THSD4: variants seen among roughly 807,000 people sequenced by gnomAD.
THSD4 encodes the protein thrombospondin type-1 domain-containing protein 4.
Under a neutral mutation model 119.0 loss-of-function variants are expected in THSD4, and 69 were observed. That is an observed-to-expected ratio of 0.58 (90% CI 0.48 to 0.71). The LOEUF (loss-of-function observed/expected upper bound fraction) is 0.71. Ranked by LOEUF, THSD4 falls within the 30% of genes least tolerant of loss-of-function variation. The pLI is 0.00. For synonymous variants in THSD4, 524 were observed against 540.4 expected, an observed-to-expected ratio of 0.97 and a Z score of 0.42; for missense variants, 1,393 against 1,391.1, an observed-to-expected ratio of 1.00 and a Z score of -0.02.
intron 11 of THSD4, among the ~76,000 whole-genome samples, chr15:71,739,620 GTAGTTA>G (rs966221256): frequency 7.2e-5 from 11 of 152,242 alleles, no homozygotes; most frequent in African/African-American, 2.6e-4. Flanking sequence ...TATGAACTGT[GTAGTTA>G]TAATTTCCTT....
chr15:71,189,198 C>T (rs555184394), intron 3 of THSD4, among the ~76,000 whole-genome samples: 1 of 152,216 alleles, frequency 6.6e-6, no homozygotes, highest in East Asian at 1.9e-4. Flanking sequence ...CTGGAGGTGA[C>T]CAGCTATATG....
In THSD4 at chr15:71,411,810, C is replaced by G; in HGVS notation, c.1139C>G (p.Ser380Cys). The G allele has an allele frequency of 6.2e-7, 1 of 1,614,030 alleles. No homozygotes were observed. Among genetic ancestry groups the G allele is most frequent in the Non-Finnish European group, 8.5e-7 (1 of 1,179,960 alleles). The change falls in exon 7 of 18, where the codon TCT becomes TGT. Residue 380 changes from serine to cysteine, a missense_variant. Ser to Cys is a moderately radical substitution (Grantham distance 112). Transcript: ENST00000261862. ...CDQNGTAICVSGQCKSIGCDD... is the reference protein window; with the variant it reads ...CDQNGTAICVCGQCKSIGCDD... Reference sequence around the variant, plus strand: ...CAGAACGGCACGGCCATCTGTGTGTCTGGGCAGTGCAAGGTAAGTGCCCCC... The same window carrying G: ...CAGAACGGCACGGCCATCTGTGTGTGTGGGCAGTGCAAGGTAAGTGCCCCC...
At chr15:71,488,728 T>C (rs191573375) in intron 7 of THSD4, among the ~76,000 whole-genome samples, 2 of 152,358 alleles carry the variant, frequency 1.3e-5, no homozygotes, top group East Asian at 3.9e-4. Flanking sequence ...TTCTTTTCAT[T>C]TACTTAGGTT....
At position 71,287,178 on chromosome 15, in the gene THSD4, T is replaced by C. The variant is rs111633024; in HGVS notation, c.1015+30463T>C. Among the ~76,000 whole-genome samples the C allele has an allele frequency of 9.6e-3, 1,469 of 152,286 alleles. 8 individuals are homozygous for C. Among genetic ancestry groups the C allele is most frequent in the Middle Eastern group, 0.017 (5 of 294 alleles). On this transcript the variant is annotated intron_variant, in intron 6 of 17. Coordinates refer to ENST00000261862, the MANE Select transcript of THSD4 (RefSeq NM_024817.3). ...TGCCTGGAAGATATGCCCGACAAAA[T>C]GAAATACTTAGGATGTAAAAGTACA... is the stretch of plus-strand genomic sequence containing the variant.
chr15:71,374,655 A>G (rs1301657383), intron 6 of THSD4, among the ~76,000 whole-genome samples: 1 of 152,198 alleles, frequency 6.6e-6, no homozygotes, highest in South Asian at 2.1e-4. Context: ...AGGGTGAGCA[A>G]TGGCCCTGAC....
chr15:71,287,319 T>G (rs2044730583), intron 6 of THSD4, among the ~76,000 whole-genome samples: 2 of 152,214 alleles, frequency 1.3e-5, no homozygotes, highest in Non-Finnish European at 2.9e-5. Flanking sequence ...ATACTTGATA[T>G]TTAGAAAATT....
Position 71,196,040 on chromosome 15 carries a change from C to T in THSD4, c.100-18995C>T, listed in dbSNP as rs145115323. On this transcript the variant is annotated intron_variant, in intron 3 of 17. Transcript: ENST00000261862. Reference sequence around the variant, plus strand: ...TCTGGGGGCTGAAAAGTCCAAGTTCCAGGTGCTAGCATCAGGTGAGGGCCT... The same window carrying T: ...TCTGGGGGCTGAAAAGTCCAAGTTCTAGGTGCTAGCATCAGGTGAGGGCCT... 1.1e-4 allele frequency among the ~76,000 whole-genome samples: 16 copies of T among 152,220 alleles called. 1 individual carries two copies. Among genetic ancestry groups the T allele is most frequent in the African/African-American group, 3.4e-4 (14 of 41,522 alleles).
chr15:71,450,407 A>G (rs2047245909), intron 7 of THSD4, among the ~76,000 whole-genome samples: 1 of 151,974 alleles, frequency 6.6e-6, no homozygotes, highest in African/African-American at 2.4e-5. Flanking sequence ...GTTGGGGGAG[A>G]GTAGAACAGG....
chr15:71,592,652 A>G (rs12901685), intron 7 of THSD4, among the ~76,000 whole-genome samples: 3 of 151,918 alleles, frequency 2.0e-5, no homozygotes, highest in Non-Finnish European at 4.4e-5. Context: ...CTGGGAACCC[A>G]ATCACCATTT....
Position 71,135,819 on chromosome 15 carries a change from A to C in THSD4, c.-79-5630A>C, listed in dbSNP as rs563535937. On this transcript the variant is annotated intron_variant, in intron 1 of 17. Coordinates refer to ENST00000261862, the MANE Select transcript of THSD4 (RefSeq NM_024817.3). ...ATTATGGGGCAGCCTCCTCCCAATA[A>C]CTTCCTTGGCTTCCACCTCCATGCT... 2.6e-5 allele frequency among the ~76,000 whole-genome samples: 4 copies of C among 151,530 alleles called. No individual in the cohort carries two copies. The East Asian group carries it at 7.8e-4, about 30-fold the overall frequency.
intron 6 of THSD4, among the ~76,000 whole-genome samples, chr15:71,291,025 A>G (rs2044785235): frequency 6.6e-6 from 1 of 151,756 alleles, no homozygotes; most frequent in Admixed American, 6.6e-5. Context: ...ATTTACCTTA[A>G]TTTTTCTAGA....
At chr15:71,220,257 C>T (rs1378269502) in intron 4 of THSD4, among the ~76,000 whole-genome samples, 2 of 152,168 alleles carry the variant, frequency 1.3e-5, no homozygotes, top group African/African-American at 2.4e-5. Context: ...GAAGACTGCA[C>T]AGAGCAGGTA....
chr15:71,497,571 A>G (rs759749634), intron 7 of THSD4, among the ~76,000 whole-genome samples: 3 of 151,854 alleles, frequency 2.0e-5, no homozygotes, highest in Non-Finnish European at 4.4e-5. Context: ...ATACATATAA[A>G]TAATATATAA....
chr15:71,579,247 G>A (rs2049514255), intron 7 of THSD4, among the ~76,000 whole-genome samples: 1 of 152,164 alleles, frequency 6.6e-6, no homozygotes, highest in African/African-American at 2.4e-5. Context: ...TACTTCTTTT[G>A]TATTCTCCAT....
chr15:71,634,187 CA>C (rs60080654), intron 7 of THSD4, among the ~76,000 whole-genome samples: 33,547 of 125,824 alleles, frequency 0.27, 3,899 homozygotes, highest in Middle Eastern at 0.31. Context: ...AACTCCGTCT[CA>C]AAAAAAAAAA....
intron 3 of THSD4, among the ~76,000 whole-genome samples, chr15:71,159,350 C>T (rs2043229123): frequency 6.6e-6 from 1 of 151,982 alleles, no homozygotes; most frequent in Admixed American, 6.6e-5. Context: ...ATTTCTGTGA[C>T]TAATGTCATT....
intron 7 of THSD4, among the ~76,000 whole-genome samples, chr15:71,596,957 A>G (rs999692824): frequency 6.6e-6 from 1 of 152,192 alleles, no homozygotes; most frequent in Admixed American, 6.5e-5. Flanking sequence ...TTGAAGCCAC[A>G]AGCTTTAGGG....
intron 7 of THSD4, among the ~76,000 whole-genome samples, chr15:71,413,956 T>A (rs960527867): frequency 1.3e-5 from 2 of 152,244 alleles, no homozygotes; most frequent in African/African-American, 4.8e-5. Context: ...GCAATCTAGC[T>A]TTATCTTTCA....
chr15:71,561,901 CACACACACACACACACACA>C (rs2049125622), intron 7 of THSD4, among the ~76,000 whole-genome samples: 1 of 62,684 alleles, frequency 1.6e-5, no homozygotes, highest in Non-Finnish European at 3.6e-5. Flanking sequence ...CACACACACA[CACACACACACACACACACA>C]AACACTCACT....
Sources: allele counts gnomAD v4.1 joint callset (sites outside exome capture counted in the v4.1 genomes callset), GRCh38; gene constraint gnomAD v4.1.1; transcripts MANE v1.5; gene names NCBI Gene and HGNC (gene_info 2026-07-23, HGNC 2026-07-21).